HEATR4: variants seen among roughly 807,000 people sequenced by gnomAD.
HEATR4 encodes HEAT repeat-containing protein 4.
Under a neutral mutation model 108.8 loss-of-function variants are expected in HEATR4, and 95 were observed. The observed-to-expected ratio is 0.87, with a 90% confidence interval of 0.74 to 1.04. The LOEUF is 1.04. HEATR4 is among the 50% of genes least tolerant of loss of function. The pLI is 0.00. For synonymous variants in HEATR4, 443 were observed against 459.4 expected (o/e 0.96, Z 0.46); for missense variants, 1,152 against 1,253.8 (o/e 0.92, Z 1.23).
At chr14:73,584,899 C>T in the HEATR4 span, among the ~76,000 whole-genome samples, 2 of 151,560 alleles carry the variant, frequency 1.3e-5, no homozygotes, top group African/African-American at 2.4e-5. Flanking sequence ...TATTCTAGCA[C>T]CCCATAAACA....
Position 73,496,616 on chromosome 14 carries a change from C to T in HEATR4, c.2610G>A (p.Gln870=). 3 of 1,601,842 alleles carry T rather than the reference C, an allele frequency of 1.9e-6. No homozygotes were observed. The highest frequency in any genetic ancestry group is 2.6e-6 in the Non-Finnish European group (3 of 1,168,892). ...ACTTATTTACCCTGTTCTTGATCTC[C>T]TGAAGCATTTCTTGGTTTCCTTCAT... ...LGNEGNQEML[Q]EIKNRIKTLS... Residue 870 remains glutamine (Q), a synonymous_variant, in exon 15 of 18, where the codon CAG becomes CAA. Transcript: ENST00000553558.
At chr14:73,600,465 T>C in the HEATR4 span, among the ~76,000 whole-genome samples, 2 of 151,748 alleles carry the variant, frequency 1.3e-5, no homozygotes, top group Non-Finnish European at 2.9e-5. Context: ...TTCTTTTTTT[T>C]TCCAAGACGG....
At chr14:73,506,840 C>T (rs1198190326) in intron 9 of HEATR4, among the ~76,000 whole-genome samples, 2 of 81,532 alleles carry the variant, frequency 2.5e-5, no homozygotes, top group Admixed American at 1.6e-4. Flanking sequence ...GAAGGTTGTC[C>T]CCCAGGCTGG....
intron 17 of HEATR4, among the ~76,000 whole-genome samples, chr14:73,488,663 A>T (rs1315376526): frequency 6.6e-6 from 1 of 151,932 alleles, no homozygotes; most frequent in Non-Finnish European, 1.5e-5. Flanking sequence ...TCTTTTCTTT[A>T]TAAATTACTC....
upstream of HEATR4, among the ~76,000 whole-genome samples, chr14:73,560,478 C>T (rs536295672): frequency 3.3e-5 from 5 of 151,846 alleles, no homozygotes; most frequent in Non-Finnish European, 5.9e-5. Context: ...CTGGGTAACA[C>T]GGTGAAACCC....
the HEATR4 span, among the ~76,000 whole-genome samples, chr14:73,585,461 G>A: frequency 1.3e-5 from 2 of 152,072 alleles, no homozygotes; most frequent in Non-Finnish European, 2.9e-5. Context: ...GAGGTGGGCG[G>A]ATTACCTGGG....
chr14:73,507,773 TGCTCTGTCACCTAG>T (rs898101060), intron 9 of HEATR4, among the ~76,000 whole-genome samples: 10 of 152,108 alleles, frequency 6.6e-5, no homozygotes, highest in African/African-American at 2.4e-4. Context: ...GACAGAGTCT[TGCTCTGTCACCTAG>T]GCTGGAGTGT....
the HEATR4 span, among the ~76,000 whole-genome samples, chr14:73,589,075 T>C: frequency 8.5e-5 from 13 of 152,292 alleles, no homozygotes; most frequent in East Asian, 1.4e-3. Flanking sequence ...TTGATTAACC[T>C]TCACTGACAT....
chr14:73,516,140 C>A, intron 5 of HEATR4, among the ~76,000 whole-genome samples: 1 of 36,028 alleles, frequency 2.8e-5, no homozygotes, highest in Non-Finnish European at 3.8e-5. Context: ...TCCACATCAA[C>A]AGTCATCAAA....
intron 17 of HEATR4, among the ~76,000 whole-genome samples, chr14:73,490,137 T>G (rs911177671): frequency 6.6e-5 from 10 of 152,154 alleles, no homozygotes; most frequent in African/African-American, 2.2e-4. Context: ...CTTCTTCTTG[T>G]TTTTTGAGAC....
In HEATR4 at chr14:73,514,212, G is replaced by T; in HGVS notation, c.1233C>A (p.Ala411=). The T allele has an allele frequency of 6.2e-7, 1 of 1,614,138 alleles. No homozygotes were observed. Among genetic ancestry groups the T allele is most frequent in the Non-Finnish European group, 8.5e-7 (1 of 1,180,030 alleles). Residue 411 remains alanine (A), a synonymous_variant, in exon 6 of 18, where the codon GCC becomes GCA. Transcript: ENST00000553558. ...GGGTGGGCAAAGCAGTCCAGCGCAG[G>T]GCTCCTTGCACAGGTCTGTAAGCTG... The part of the protein sequence containing the change: ...PEASYRPVQG[A]LRWTALPTPA...
At chr14:73,595,942 G>T in the HEATR4 span, 1 of 250,734 alleles carries the variant, frequency 4.0e-6, no homozygotes. Context: ...TCACAGGTGA[G>T]CTTTAAAGCT....
At chr14:73,604,707 C>T in the HEATR4 span, among the ~76,000 whole-genome samples, 8 of 152,050 alleles carry the variant, frequency 5.3e-5, no homozygotes, top group Middle Eastern at 3.2e-3. Flanking sequence ...AGGTTGGTCT[C>T]GAACTCCTGA....
rs569097038 is a variant in HEATR4, at chr14:73,523,082, C to G, written c.71G>C (p.Gly24Ala). ...CFYQSLPPRL[G>A]WGMILNYSKL... ...TGAGTAGTTTAAAATCATGCCCCATCCCAGTCGTGGGGGCAGTGACTGATA... is the reference window on the plus strand; with the variant it reads ...TGAGTAGTTTAAAATCATGCCCCATGCCAGTCGTGGGGGCAGTGACTGATA... The change falls in exon 3 of 18, where the codon GGA (glycine) becomes GCA (alanine). Residue 24 changes from glycine to alanine, a missense_variant. Coordinates refer to ENST00000553558, the MANE Select transcript of HEATR4 (RefSeq NM_001220484.1). The G allele has an allele frequency of 5.0e-6, 8 of 1,612,848 alleles. No individual in the cohort carries two copies. The highest frequency in any genetic ancestry group is 1.6e-4 in the Middle Eastern group (1 of 6,062).
At chr14:73,601,291 T>C in the HEATR4 span, among the ~76,000 whole-genome samples, 1 of 152,150 alleles carries the variant, frequency 6.6e-6, no homozygotes, top group Admixed American at 6.5e-5. Flanking sequence ...CAGGTCAGTG[T>C]GGTGGCTCAT....
chr14:73,536,478 G>C (rs1354614226), intron 1 of HEATR4, among the ~76,000 whole-genome samples: 1 of 89,542 alleles, frequency 1.1e-5, no homozygotes, highest in African/African-American at 3.8e-5. Context: ...AACCGCCGCT[G>C]TACTCCAGAC....
At position 73,533,226 on chromosome 14, in the gene HEATR4, A is replaced by G. The variant is rs1384379763; in HGVS notation, c.-151-2982T>C. 1.7e-5 allele frequency among the ~76,000 whole-genome samples: 2 copies of G among 114,714 alleles called. 1 individual carries two copies. The highest frequency in any genetic ancestry group is 3.8e-5 in the Non-Finnish European group (2 of 52,768). 75.3% of individuals were successfully genotyped at this position (114,714 alleles called of 152,430 possible). A position where few individuals can be genotyped will look rare whatever the true frequency, so the allele number is the denominator to read the frequency against. ...TACTTCTGGGTACATATCCAAAAGA[A>G]TTGAAAGCAGGGACTTTAACAGATA... On this transcript the variant is annotated intron_variant, in intron 1 of 17. Coordinates refer to ENST00000553558, the MANE Select transcript of HEATR4 (RefSeq NM_001220484.1).
Position 73,502,974 on chromosome 14 carries a change from A to C in HEATR4, c.2026T>G (p.Trp676Gly). 6.2e-7 allele frequency: 1 copy of C among 1,614,042 alleles called. No homozygotes were observed. Among genetic ancestry groups the C allele is most frequent in the South Asian group, 1.1e-5 (1 of 91,082 alleles). ...HKLIQLMWNDWNKEVRRAAAQ... is the reference protein window; with the variant it reads ...HKLIQLMWNDGNKEVRRAAAQ... ...GCTGCTCTCCTCACTTCCTTATTCC[A>C]GTCATTCCACATCAGCTGGATCAAC... Residue 676 changes from tryptophan to glycine, a missense_variant, in exon 11 of 18, where the codon TGG (tryptophan) becomes GGG (glycine). Physicochemically the swap from Trp to Gly is radical, Grantham distance 184. Coordinates refer to ENST00000553558, the MANE Select transcript of HEATR4 (RefSeq NM_001220484.1).
At chr14:73,555,949 G>A (rs1321096381) in intron 1 of HEATR4, among the ~76,000 whole-genome samples, 2 of 112,630 alleles carry the variant, frequency 1.8e-5, no homozygotes, top group Non-Finnish European at 3.9e-5. Flanking sequence ...AGGTTGCAGC[G>A]AGCCGAGATC....
Sources: allele counts gnomAD v4.1 joint callset (sites outside exome capture counted in the v4.1 genomes callset), GRCh38; gene constraint gnomAD v4.1.1; transcripts MANE v1.5; gene names NCBI Gene and HGNC (gene_info 2026-07-23, HGNC 2026-07-21).